CIMAP2: variants seen among roughly 807,000 people sequenced by gnomAD.
The protein encoded by CIMAP2 is ciliary microtubule-associated protein 2.
chr1:54,822,044 G>A, the CIMAP2 span, among the ~76,000 whole-genome samples: 2 of 137,652 alleles, frequency 1.5e-5, no homozygotes, highest in African/African-American at 2.7e-5. Flanking sequence ...GACTACAGGC[G>A]CCCACCACTA....
the CIMAP2 span, among the ~76,000 whole-genome samples, chr1:54,833,490 C>T: frequency 6.6e-6 from 1 of 152,172 alleles, no homozygotes; most frequent in Non-Finnish European, 1.5e-5. Flanking sequence ...CTTTCTCACC[C>T]CTCATCCCTA....
At chr1:54,814,780 C>T in the CIMAP2 span, 1 of 1,295,672 alleles carries the variant, frequency 7.7e-7, no homozygotes, top group Non-Finnish European at 1.1e-6. Flanking sequence ...AGCTGGGTAC[C>T]TCCACCGTCC....
chr1:54,825,512 T>A, the CIMAP2 span, among the ~76,000 whole-genome samples: 1 of 152,132 alleles, frequency 6.6e-6, no homozygotes. Context: ...GCTGTGGTTG[T>A]TAGGAGAGGC....
chr1:54,814,210 C>T, the CIMAP2 span, among the ~76,000 whole-genome samples: 1 of 152,170 alleles, frequency 6.6e-6, no homozygotes, highest in Non-Finnish European at 1.5e-5. Flanking sequence ...AGATGAGGCC[C>T]TGTACTCGGA....
At chr1:54,814,765 G>A in the CIMAP2 span, 4 of 1,132,582 alleles carry the variant, frequency 3.5e-6, no homozygotes, top group African/African-American at 6.3e-5. Flanking sequence ...CCTTTGCCGG[G>A]AGATAGCTGG....
the CIMAP2 span, among the ~76,000 whole-genome samples, chr1:54,827,627 G>A: frequency 1.3e-5 from 2 of 152,194 alleles, no homozygotes; most frequent in Non-Finnish European, 2.9e-5. Flanking sequence ...TGAAAAATGA[G>A]GGTAAACTAA....
the CIMAP2 span, among the ~76,000 whole-genome samples, chr1:54,819,832 TTCTTTC>T: frequency 0.081 from 11,292 of 139,036 alleles, 1,582 homozygotes; most frequent in African/African-American, 0.28. Flanking sequence ...TTCTCTTTCT[TTCTTTC>T]TCTTTCTTTC....
the CIMAP2 span, among the ~76,000 whole-genome samples, chr1:54,810,493 G>A: frequency 6.6e-6 from 1 of 152,272 alleles, no homozygotes; most frequent in East Asian, 1.9e-4. Flanking sequence ...AAGGAGACAT[G>A]TAGTTCCATT....
chr1:54,837,455 G>A, the CIMAP2 span, among the ~76,000 whole-genome samples: 2 of 152,156 alleles, frequency 1.3e-5, no homozygotes, highest in East Asian at 3.8e-4. Context: ...TGGGCACAAT[G>A]AAGCCTGTCT....
the CIMAP2 span, among the ~76,000 whole-genome samples, chr1:54,823,624 T>A: frequency 4.6e-5 from 7 of 152,254 alleles, no homozygotes; most frequent in Non-Finnish European, 1.0e-4. Context: ...TCTGATTGTT[T>A]TATATATCTT....
the CIMAP2 span, chr1:54,811,765 G>GCCGGGGGGGGGGCGGCCCCCCCCCCCC: frequency 1.5e-6 from 2 of 1,301,328 alleles, no homozygotes; most frequent in Non-Finnish European, 1.1e-6. Context: ...GGTTCTGACA[G>GCCGGGGGGGGGGCGGCCCCCCCCCCCC]CCTCCATGCC....
chr1:54,825,994 A>G, the CIMAP2 span, among the ~76,000 whole-genome samples: 2 of 152,164 alleles, frequency 1.3e-5, no homozygotes, highest in East Asian at 3.9e-4. Flanking sequence ...AGGTCCCTGG[A>G]CAACATGCAC....
At chr1:54,831,158 T>C in the CIMAP2 span, among the ~76,000 whole-genome samples, 2 of 152,198 alleles carry the variant, frequency 1.3e-5, no homozygotes, top group African/African-American at 4.8e-5. Context: ...ACATAAATGA[T>C]AGAAAACACT....
At chr1:54,810,914 C>A in the CIMAP2 span, among the ~76,000 whole-genome samples, 1 of 152,244 alleles carries the variant, frequency 6.6e-6, no homozygotes, top group African/African-American at 2.4e-5. Flanking sequence ...CGCACCTTCA[C>A]TTCCAAGTTC....
the CIMAP2 span, among the ~76,000 whole-genome samples, chr1:54,808,613 G>GGGGGGT: frequency 8.2e-5 from 6 of 73,496 alleles, no homozygotes; most frequent in African/African-American, 4.0e-5. Context: ...AGGTGCTGCC[G>GGGGGGT]GGGGAGGGCA....
the CIMAP2 span, among the ~76,000 whole-genome samples, chr1:54,829,896 T>G: frequency 2.0e-5 from 3 of 152,138 alleles, no homozygotes; most frequent in Non-Finnish European, 4.4e-5. Context: ...CTCATTTTTC[T>G]GTATGTTCAT....
chr1:54,815,957 C>T, the CIMAP2 span, among the ~76,000 whole-genome samples: 1 of 152,242 alleles, frequency 6.6e-6, no homozygotes, highest in South Asian at 2.1e-4. Context: ...GCCCAGACCC[C>T]AGTGACTGAT....
At chr1:54,825,395 A>G in the CIMAP2 span, among the ~76,000 whole-genome samples, 1 of 151,918 alleles carries the variant, frequency 6.6e-6, no homozygotes, top group Non-Finnish European at 1.5e-5. Context: ...TTGGTTGGGT[A>G]TGGTACTTTG....
the CIMAP2 span, chr1:54,807,870 CTCTCT>C: frequency 6.4e-7 from 1 of 1,556,098 alleles, no homozygotes; most frequent in Admixed American, 2.1e-5. Flanking sequence ...CTTTCATTTT[CTCTCT>C]TCTCTTGGCA....
Sources: gnomAD v4.1 joint callset for allele counts (sites outside exome capture counted in the v4.1 genomes callset) on GRCh38, gnomAD v4.1.1 for gene constraint, MANE v1.5 for transcripts, NCBI Gene and HGNC (gene_info 2026-07-23, HGNC 2026-07-21) for gene names.